The following GRM1 variants were observed in gnomAD, a reference collection of about 807,000 sequenced individuals.
The protein encoded by GRM1 is glutamate metabotropic receptor 1.
Under a neutral mutation model 90.9 loss-of-function variants are expected in GRM1, and 33 were observed. That is an observed-to-expected ratio of 0.36 (90% CI 0.28 to 0.49). The LOEUF (loss-of-function observed/expected upper bound fraction) is 0.49, where lower values mean the gene tolerates loss of function less well. GRM1 is among the 20% of genes least tolerant of loss of function. The pLI is 0.99. For synonymous variants in GRM1, 700 were observed against 613.2 expected (o/e 1.14, Z -2.09); for missense variants, 1,190 against 1,534.3 (o/e 0.78, Z 3.75).
At chr6:146,356,581 C>T (rs531187657) in intron 4 of GRM1, among the ~76,000 whole-genome samples, 33 of 152,236 alleles carry the variant, frequency 2.2e-4, no homozygotes, top group Non-Finnish European at 3.7e-4. Flanking sequence ...ATAAGCATTT[C>T]GACCATAGGA....
At chr6:146,290,374 A>C (rs1445956672) in intron 2 of GRM1, among the ~76,000 whole-genome samples, 4 of 152,200 alleles carry the variant, frequency 2.6e-5, no homozygotes, top group Non-Finnish European at 4.4e-5. Context: ...CTCTGACTGA[A>C]AGGGACAGAG....
At chr6:146,397,199 C>T (rs966538733) in intron 6 of GRM1, among the ~76,000 whole-genome samples, 2 of 151,988 alleles carry the variant, frequency 1.3e-5, no homozygotes, top group East Asian at 1.9e-4. Flanking sequence ...AGCACAAAAG[C>T]TGGCTGGGTG....
chr6:146,218,588 A>G (rs757499187), intron 2 of GRM1, among the ~76,000 whole-genome samples: 6 of 152,218 alleles, frequency 3.9e-5, no homozygotes, highest in Non-Finnish European at 8.8e-5. Context: ...ACATAAATAA[A>G]TTAGTTCCTT....
chr6:146,267,723 CTCGTCTCGTCTCG>C (rs1473445846), intron 2 of GRM1, among the ~76,000 whole-genome samples: 1 of 142,912 alleles, frequency 7.0e-6, no homozygotes, highest in Admixed American at 6.9e-5. Context: ...CTCGTCTCGT[CTCGTCTCGTCTCG>C]TCTCGTCTCG....
At chr6:146,064,211 C>T (rs972803274) in intron 1 of GRM1, among the ~76,000 whole-genome samples, 5 of 152,034 alleles carry the variant, frequency 3.3e-5, no homozygotes, top group African/African-American at 1.2e-4. Flanking sequence ...AAATTCCTGG[C>T]GTGATGTGCA....
chr6:146,209,369 A>C (rs117605163), intron 2 of GRM1, among the ~76,000 whole-genome samples: 1 of 152,124 alleles, frequency 6.6e-6, no homozygotes, highest in African/African-American at 2.4e-5. Flanking sequence ...GATCTGGGAC[A>C]TTTTTGATTA....
chr6:146,316,961 A>T (rs376210263), intron 3 of GRM1, among the ~76,000 whole-genome samples: 4 of 152,146 alleles, frequency 2.6e-5, no homozygotes, highest in Admixed American at 1.3e-4. Flanking sequence ...TTCCTTTTTA[A>T]CTAGTTTATC....
At chr6:146,337,312 G>T (rs1006518130) in intron 3 of GRM1, among the ~76,000 whole-genome samples, 4 of 152,158 alleles carry the variant, frequency 2.6e-5, no homozygotes, top group African/African-American at 9.7e-5. Flanking sequence ...TTACTTCTCT[G>T]TGCCTGTTTC....
intron 2 of GRM1, among the ~76,000 whole-genome samples, chr6:146,293,036 G>A (rs952498792): frequency 6.6e-6 from 1 of 151,950 alleles, no homozygotes; most frequent in Non-Finnish European, 1.5e-5. Context: ...TGTATTGTGT[G>A]ATTACATTTG....
In GRM1 at chr6:146,344,719, G is replaced by A. The variant is rs2268660; in HGVS notation, c.1187-7531G>A. ...TGAGACAGAGTGTCATTATTTAACT[G>A]GGCTGATAAGTCTACATAAAGTACC... On this transcript the variant is annotated intron_variant, in intron 3 of 7. Transcript: ENST00000282753. Among the ~76,000 whole-genome samples, 36 of 152,250 alleles carry A rather than the reference G, an allele frequency of 2.4e-4. No individual in the cohort carries two copies. In the East Asian group the frequency reaches 6.9e-3, roughly 29 times the overall value.
chr6:146,181,786 A>C (rs1778561503), intron 2 of GRM1, among the ~76,000 whole-genome samples: 1 of 152,128 alleles, frequency 6.6e-6, no homozygotes, highest in Non-Finnish European at 1.5e-5. Context: ...ATTACTAGGT[A>C]AGAAAGAGAG....
intron 2 of GRM1, among the ~76,000 whole-genome samples, chr6:146,179,834 T>A (rs887052297): frequency 8.6e-5 from 13 of 151,200 alleles, no homozygotes; most frequent in Non-Finnish European, 1.8e-4. Context: ...GAACCTTTAA[T>A]TTTTTTTTGT....
chr6:146,053,280 T>C (rs1775361637), intron 1 of GRM1, among the ~76,000 whole-genome samples: 1 of 152,128 alleles, frequency 6.6e-6, no homozygotes, highest in Non-Finnish European at 1.5e-5. Flanking sequence ...CAATATTTTG[T>C]ACAAGGTTTT....
rs1442017973 is a variant in GRM1, at chr6:146,224,933, G to A, written c.950+65336G>A. ...ACTCAAAGCTGACTTTTCTCTTGGG[G>A]CACTTTCATGGATTCTGTGGAGACC... On this transcript the variant is annotated intron_variant, in intron 2 of 7. Coordinates refer to ENST00000282753, the MANE Select transcript of GRM1 (RefSeq NM_001278064.2). 4.6e-5 allele frequency among the ~76,000 whole-genome samples: 7 copies of A among 152,214 alleles called. No individual in the cohort carries two copies. The South Asian group carries it at 1.5e-3, about 32-fold the overall frequency.
At chr6:146,050,576 AG>A (rs1415456776) in intron 1 of GRM1, among the ~76,000 whole-genome samples, 36 of 152,006 alleles carry the variant, frequency 2.4e-4, no homozygotes, top group Admixed American at 2.2e-3. Flanking sequence ...TATTTTTAAG[AG>A]GGGGGAGGGG....
At chr6:146,185,973 G>A (rs76880725) in intron 2 of GRM1, among the ~76,000 whole-genome samples, 6,704 of 151,390 alleles carry the variant, frequency 0.044, 180 homozygotes, top group Admixed American at 0.062. Context: ...TTTTGAGACA[G>A]AGTCTTGCCC....
At chr6:146,403,043 A>G (rs1052997063) in intron 7 of GRM1, among the ~76,000 whole-genome samples, 1 of 152,130 alleles carries the variant, frequency 6.6e-6, no homozygotes, top group Non-Finnish European at 1.5e-5. Flanking sequence ...CATGAATGGA[A>G]AAATATGCAG....
chr6:146,376,919 T>C (rs1047853314), intron 5 of GRM1, among the ~76,000 whole-genome samples: 6 of 152,108 alleles, frequency 3.9e-5, no homozygotes, highest in Non-Finnish European at 8.8e-5. Context: ...GTTCTCATGA[T>C]GGTGAATAGG....
intron 2 of GRM1, among the ~76,000 whole-genome samples, chr6:146,186,644 C>A (rs774116061): frequency 6.7e-4 from 102 of 152,288 alleles, no homozygotes; most frequent in Middle Eastern, 3.4e-3. Flanking sequence ...AGTTTCTTCC[C>A]TACGTACTGC....
Sources: gnomAD v4.1 joint callset for allele counts (sites outside exome capture counted in the v4.1 genomes callset) on GRCh38, gnomAD v4.1.1 for gene constraint, MANE v1.5 for transcripts, NCBI Gene and HGNC (gene_info 2026-07-23, HGNC 2026-07-21) for gene names.